SLC25A31: variants seen among roughly 807,000 people sequenced by gnomAD.
The protein encoded by SLC25A31 is ADP/ATP translocase 4.
A neutral mutation model predicts 36.2 loss-of-function variants in SLC25A31; 40 were observed. That is an observed-to-expected ratio of 1.10 (90% CI 0.86 to 1.44). The LOEUF (loss-of-function observed/expected upper bound fraction) is 1.44. Ranked by LOEUF, SLC25A31 falls within the 40% of genes most tolerant of loss-of-function variation. SLC25A31 has a pLI of 0.00. For missense variants in SLC25A31, 350 were observed against 397.1 expected (o/e 0.88, Z 1.01); for synonymous variants, 143 against 149.7 (o/e 0.96, Z 0.32).
intron 2 of SLC25A31, among the ~76,000 whole-genome samples, chr4:127,753,215 G>A (rs1180910037): frequency 6.6e-6 from 1 of 152,034 alleles, no homozygotes; most frequent in Non-Finnish European, 1.5e-5. Context: ...GCAGTTCTAA[G>A]AGGAAGTTTA....
intron 5 of SLC25A31, among the ~76,000 whole-genome samples, chr4:127,772,068 G>C (rs2148767025): frequency 6.6e-6 from 1 of 152,202 alleles, no homozygotes; most frequent in African/African-American, 2.4e-5. Context: ...GACTTCAGTA[G>C]CAAGTCTGTG....
intron 5 of SLC25A31, among the ~76,000 whole-genome samples, chr4:127,770,414 C>G (rs921104827): frequency 2.0e-5 from 3 of 152,230 alleles, no homozygotes; most frequent in African/African-American, 7.2e-5. Flanking sequence ...ATCACGAAGT[C>G]AAGAGATCAA....
At chr4:127,737,313 AG>A (rs1408433523) in intron 1 of SLC25A31, among the ~76,000 whole-genome samples, 1 of 152,120 alleles carries the variant, frequency 6.6e-6, no homozygotes, top group Admixed American at 6.6e-5. Flanking sequence ...TTATACTTCT[AG>A]GGATTTGTTT....
At chr4:127,748,454 C>T (rs1044245959) in intron 2 of SLC25A31, among the ~76,000 whole-genome samples, 18 of 152,134 alleles carry the variant, frequency 1.2e-4, no homozygotes, top group Non-Finnish European at 2.5e-4. Flanking sequence ...ACTCCCTTCC[C>T]AGGGACCCAC....
At chr4:127,735,549 G>A (rs1236709735) in intron 1 of SLC25A31, among the ~76,000 whole-genome samples, 2 of 152,012 alleles carry the variant, frequency 1.3e-5, no homozygotes, top group African/African-American at 4.8e-5. Flanking sequence ...AGCTCCATAA[G>A]ATCAGGAACA....
Position 127,764,219 on chromosome 4 carries a change from C to G in SLC25A31, c.361-24C>G, listed in dbSNP as rs758641574. 5.7e-6 allele frequency: 9 copies of G among 1,585,740 alleles called. No individual in the cohort carries two copies. The East Asian group carries it at 2.0e-4, about 36-fold the overall frequency. ...CAGTTAGATTCTGTGGTTTAATAAC[C>G]ACTTTTAAATTAATATGTTTCAGTT... On this transcript the variant is annotated intron_variant, in intron 2 of 5. Coordinates refer to ENST00000281154, the MANE Select transcript of SLC25A31 (RefSeq NM_031291.4).
At chr4:127,768,104 T>C (rs2148765357) in intron 4 of SLC25A31, among the ~76,000 whole-genome samples, 1 of 151,884 alleles carries the variant, frequency 6.6e-6, no homozygotes, top group African/African-American at 2.4e-5. Flanking sequence ...TTATAATGCT[T>C]CCAAAAGGAA....
intron 5 of SLC25A31, among the ~76,000 whole-genome samples, chr4:127,770,563 T>G (rs1230615829): frequency 6.6e-6 from 1 of 151,614 alleles, no homozygotes; most frequent in Non-Finnish European, 1.5e-5. Context: ...AGGCAGAGCT[T>G]GCAGTGAACC....
At chr4:127,748,697 C>T (rs1191564306) in intron 2 of SLC25A31, among the ~76,000 whole-genome samples, 1 of 152,202 alleles carries the variant, frequency 6.6e-6, no homozygotes, top group Admixed American at 6.5e-5. Flanking sequence ...CCAGCAGCAG[C>T]CATGTGACTT....
chr4:127,753,624 G>A (rs1731977107), intron 2 of SLC25A31, among the ~76,000 whole-genome samples: 1 of 152,058 alleles, frequency 6.6e-6, no homozygotes, highest in African/African-American at 2.4e-5. Flanking sequence ...TATCAACACT[G>A]AATCATGAAG....
chr4:127,752,706 T>C (rs1731958855), intron 2 of SLC25A31, among the ~76,000 whole-genome samples: 1 of 152,110 alleles, frequency 6.6e-6, no homozygotes, highest in Non-Finnish European at 1.5e-5. Context: ...GGTCAGTTCA[T>C]CAAGAGGATA....
intron 1 of SLC25A31, among the ~76,000 whole-genome samples, chr4:127,742,649 G>GT (rs1467536196): frequency 6.6e-6 from 1 of 152,102 alleles, no homozygotes; most frequent in Non-Finnish European, 1.5e-5. Context: ...TGGCATTTTG[G>GT]TAACACTAAT....
At chr4:127,752,649 T>C (rs1461050118) in intron 2 of SLC25A31, among the ~76,000 whole-genome samples, 1 of 152,020 alleles carries the variant, frequency 6.6e-6, no homozygotes, top group Non-Finnish European at 1.5e-5. Context: ...AAATAGACTT[T>C]AAGTCAAAAA....
In SLC25A31 at chr4:127,767,231, G is replaced by A; in HGVS notation, c.633+11G>A. On this transcript the variant is annotated intron_variant, in intron 4 of 5. Transcript: ENST00000281154. ...TATGACACAGTTAAGGTAATCTGGG[G>A]GCTTTAACTTGGACATATTAAATAT... 1 of 1,539,406 alleles carries A rather than the reference G, an allele frequency of 6.5e-7. No individual in the cohort carries two copies. The highest frequency in any genetic ancestry group is 8.7e-7 in the Non-Finnish European group (1 of 1,144,606).
At chr4:127,755,591 T>C (rs899792935) in intron 2 of SLC25A31, among the ~76,000 whole-genome samples, 7 of 152,110 alleles carry the variant, frequency 4.6e-5, no homozygotes, top group Non-Finnish European at 1.0e-4. Context: ...CTTTGAAATA[T>C]CACCTCATAC....
At position 127,749,134 on chromosome 4, in the gene SLC25A31, C is replaced by G. The variant is rs143026566; in HGVS notation, c.360+4335C>G. 1.9e-3 allele frequency among the ~76,000 whole-genome samples: 279 copies of G among 149,358 alleles called. 1 individual carries two copies. The highest frequency in any genetic ancestry group is 6.4e-3 in the African/African-American group (262 of 40,736). Reference sequence around the variant, plus strand: ...GGAGCTGAAGAATACAGTGACAGAACTGAAAAAGCTCAGTAGAGAGCTTTA... The same window carrying G: ...GGAGCTGAAGAATACAGTGACAGAAGTGAAAAAGCTCAGTAGAGAGCTTTA... On this transcript the variant is annotated intron_variant, in intron 2 of 5. Transcript: ENST00000281154.
chr4:127,730,550 A>G lies in SLC25A31; in HGVS notation c.5A>G (p.His2Arg), dbSNP rs1345686487. Residue 2 changes from histidine to arginine, a missense_variant, in exon 1 of 6, where the codon CAT becomes CGT. By Grantham distance (29) the His-to-Arg change is conservative. Transcript: ENST00000281154. M[H>R]REPAKKKAEK... ...GTTTTTATATCCTTCTCCATCATGC[A>G]TCGTGAGCCTGCGAAAAAGAAGGCA... 3 of 1,613,512 alleles carry G rather than the reference A, an allele frequency of 1.9e-6. No individual in the cohort carries two copies. The highest frequency in any genetic ancestry group is 1.3e-5 in the African/African-American group (1 of 75,020).
chr4:127,770,602 G>T (rs1732336912), intron 5 of SLC25A31, among the ~76,000 whole-genome samples: 1 of 151,586 alleles, frequency 6.6e-6, no homozygotes, highest in African/African-American at 2.4e-5. Context: ...TCCAGGCTGG[G>T]CAACAGAGCA....
chr4:127,735,906 T>TTGAGACGGAGTCTCGCTC (rs1731622814), intron 1 of SLC25A31, among the ~76,000 whole-genome samples: 1 of 138,566 alleles, frequency 7.2e-6, no homozygotes, highest in Non-Finnish European at 1.6e-5. Flanking sequence ...ATTTTTTTTT[T>TTGAGACGGAGTCTCGCTC]TGAGACGGAG....
Sources: allele counts gnomAD v4.1 joint callset (sites outside exome capture counted in the v4.1 genomes callset), GRCh38; gene constraint gnomAD v4.1.1; transcripts MANE v1.5; gene names NCBI Gene and HGNC (gene_info 2026-07-23, HGNC 2026-07-21).